ANAPC1: variants seen among roughly 807,000 people sequenced by gnomAD.
ANAPC1 encodes the protein anaphase-promoting complex subunit 1.
Under a neutral mutation model 208.0 loss-of-function variants are expected in ANAPC1, and 36 were observed. The observed-to-expected ratio is 0.17, with a 90% confidence interval of 0.13 to 0.23. The LOEUF is 0.23. Among genes scored for constraint, ANAPC1 ranks in the 10% least tolerant of loss-of-function variants. The probability of loss-of-function intolerance (pLI) is 1.00; values close to 1 mark genes in which losing one functional copy is unlikely to be tolerated. For missense variants in ANAPC1, 942 were observed against 2,011.6 expected (o/e 0.47, Z 10.17); for synonymous variants, 378 against 695.2 (o/e 0.54, Z 7.18).
intron 24 of ANAPC1, among the ~76,000 whole-genome samples, chr2:111,822,979 G>C (rs541086356): frequency 6.8e-5 from 10 of 146,164 alleles, no homozygotes; most frequent in African/African-American, 2.5e-4. Context: ...ACTATGTAGA[G>C]CAATAATAAT....
At chr2:111,827,612 GGGTGTGAT>G (rs1414636012) in intron 21 of ANAPC1, among the ~76,000 whole-genome samples, 1 of 151,938 alleles carries the variant, frequency 6.6e-6, no homozygotes, top group Non-Finnish European at 1.5e-5. Context: ...AAAATTAGCC[GGGTGTGAT>G]GGTGTGCACC....
At chr2:111,879,185 A>G (rs1206543421) in intron 2 of ANAPC1, among the ~76,000 whole-genome samples, 2 of 152,344 alleles carry the variant, frequency 1.3e-5, no homozygotes, top group East Asian at 3.9e-4. Context: ...TGAATGTTTT[A>G]TATTATTCCT....
At position 111,849,620 on chromosome 2, in the gene ANAPC1, C is replaced by T. The variant is rs368820370; in HGVS notation, c.1650+1156G>A. 4.6e-4 allele frequency among the ~76,000 whole-genome samples: 70 copies of T among 152,322 alleles called. 1 individual carries two copies. The South Asian group carries it at 0.013, about 29-fold the overall frequency. On this transcript the variant is annotated intron_variant, in intron 14 of 47. Coordinates refer to ENST00000341068, the MANE Select transcript of ANAPC1 (RefSeq NM_022662.4). The stretch of plus-strand genomic sequence containing the variant: ...CCCAGGTCATTCAGAGAATTCGGAG[C>T]CTCGTTCCACATCACCTTTCCCCAG...
chr2:111,868,190 G>A (rs982581391), intron 6 of ANAPC1, 94 bp from the exon 7 acceptor site: 69 of 706,788 alleles, frequency 9.8e-5, no homozygotes, highest in Non-Finnish European at 1.5e-4. Context: ...CAGATTACAT[G>A]AGCAACTAGA....
In ANAPC1 at chr2:111,880,820, C is replaced by T. The variant is rs747691768; in HGVS notation, c.6G>A (p.Ser2=). The T allele has an allele frequency of 1.9e-6, 3 of 1,613,622 alleles. No homozygotes were observed. The highest frequency in any genetic ancestry group is 8.5e-7 in the Non-Finnish European group (1 of 1,179,816). ...TCGTTGTCCTTTCTTCATAGAAGTT[C>T]GACATGGGTTCCAAATATCAACATT... is the stretch of plus-strand genomic sequence containing the variant. The part of the protein sequence containing the change: M[S]NFYEERTTMI... Residue 2 remains serine, a synonymous_variant, in exon 2 of 48, where the codon TCG becomes TCA. Coordinates refer to ENST00000341068, the MANE Select transcript of ANAPC1 (RefSeq NM_022662.4).
intron 17 of ANAPC1, among the ~76,000 whole-genome samples, chr2:111,839,595 T>G (rs908385868): frequency 3.9e-5 from 6 of 152,346 alleles, no homozygotes; most frequent in Non-Finnish European, 7.3e-5. Flanking sequence ...TATTTAAAAC[T>G]GAATGTTATT....
At position 111,833,412 on chromosome 2, in the gene ANAPC1, A is replaced by T. The variant is rs3761697; in HGVS notation, c.2385-101T>A. ...TGAATCTTTTAATTTAAAAACTTAC[A>T]TATGAGAAAGATAACCAAATCTAGA... On this transcript the variant is annotated intron_variant, in intron 19 of 47. Coordinates refer to ENST00000341068, the MANE Select transcript of ANAPC1 (RefSeq NM_022662.4). 861,637 of 1,347,640 alleles carry T rather than the reference A, an allele frequency of 0.64. 277,258 individuals carry two copies. The highest frequency in any genetic ancestry group is 0.68 in the South Asian group (30,696 of 45,174). The allele number at this position is 1,347,640 out of a possible 1,614,324, so 83.5% of individuals were successfully genotyped here. A position where few individuals can be genotyped will look rare whatever the true frequency, so the allele number is the denominator to read the frequency against.
At chr2:111,873,821 AAAT>A (rs1484789025) in intron 3 of ANAPC1, among the ~76,000 whole-genome samples, 157 bp from the exon 4 acceptor site, 9 of 100,568 alleles carry the variant, frequency 8.9e-5, no homozygotes, top group African/African-American at 2.5e-4. Flanking sequence ...AAGAAAAAAT[AAAT>A]TAGAGTAATA....
chr2:111,849,236 G>A (rs1681260793), intron 14 of ANAPC1, among the ~76,000 whole-genome samples: 1 of 152,176 alleles, frequency 6.6e-6, no homozygotes, highest in Non-Finnish European at 1.5e-5. Flanking sequence ...CAGCCAATGT[G>A]TTAAGACTAT....
chr2:111,853,872 ACG>A, intron 13 of ANAPC1, among the ~76,000 whole-genome samples: 1 of 151,842 alleles, frequency 6.6e-6, no homozygotes, highest in African/African-American at 2.4e-5. Context: ...ACCCGCCACC[ACG>A]CCCGGCTAAT....
At chr2:111,809,898 GA>G (rs1438473347) in intron 28 of ANAPC1, among the ~76,000 whole-genome samples, 2 of 148,632 alleles carry the variant, frequency 1.3e-5, no homozygotes, top group Non-Finnish European at 3.0e-5. Context: ...AAGTTTAACA[GA>G]GTTACCATAT....
At chr2:111,810,988 C>T (rs1007564630) in intron 28 of ANAPC1, among the ~76,000 whole-genome samples, 68 of 152,002 alleles carry the variant, frequency 4.5e-4, no homozygotes, top group African/African-American at 1.6e-3. Flanking sequence ...ATGGTCGATC[C>T]CCCTTTGCCC....
At chr2:111,863,554 A>G (rs546593762) in intron 9 of ANAPC1, 121 bp downstream of exon 9, 113 of 926,560 alleles carry the variant, frequency 1.2e-4, no homozygotes, top group African/African-American at 1.0e-3. Context: ...GATAATGGCT[A>G]TTTCCCCTAA....
At chr2:111,798,793 G>A (rs1374675974) in intron 34 of ANAPC1, among the ~76,000 whole-genome samples, 43 of 152,366 alleles carry the variant, frequency 2.8e-4, no homozygotes, top group Non-Finnish European at 5.1e-4. Context: ...CCAGCACTTC[G>A]GGAGGCCGAG....
At chr2:111,825,690 C>T in intron 22 of ANAPC1, 87 bp downstream of exon 22, 2 of 1,398,710 alleles carry the variant, frequency 1.4e-6, no homozygotes, top group Admixed American at 3.9e-5. Flanking sequence ...GCCGCCAAAG[C>T]AAACAAGAAA....
At position 111,825,862 on chromosome 2, in the gene ANAPC1, A is replaced by C. The variant is rs1156586574; in HGVS notation, c.2626-7T>G. 1 of 1,601,504 alleles carries C rather than the reference A, an allele frequency of 6.2e-7. No individual in the cohort carries two copies. The highest frequency in any genetic ancestry group is 8.5e-7 in the Non-Finnish European group (1 of 1,172,230). ...GTATGTACAGTGCAATACTCTGCAA[A>C]GGAAGAAAATTAACATTATTTTTCT... On this transcript the variant is annotated splice_polypyrimidine_tract_variant and splice_region_variant and intron_variant, in intron 21 of 47. Coordinates refer to ENST00000341068, the MANE Select transcript of ANAPC1 (RefSeq NM_022662.4).
Position 111,771,626 on chromosome 2 carries a change from G to A in ANAPC1, c.5719+715C>T, listed in dbSNP as rs567421561. Among the ~76,000 whole-genome samples, 589 of 151,094 alleles carry A rather than the reference G, an allele frequency of 3.9e-3. 2 individuals carry two copies. Among genetic ancestry groups the A allele is most frequent in the Middle Eastern group, 6.8e-3 (2 of 294 alleles). On this transcript the variant is annotated intron_variant, in intron 47 of 47. Coordinates refer to ENST00000341068, the MANE Select transcript of ANAPC1 (RefSeq NM_022662.4). ...CTTTTATATTTGTTTTTGAGGGCAA[G>A]TGAGTCCAATACAAGCAATTCCATC...
At chr2:111,766,723 C>A (rs1423584094), downstream of ANAPC1, 52 of 322,754 alleles carry the variant, frequency 1.6e-4, no homozygotes, top group Middle Eastern at 5.0e-3. Flanking sequence ...CTGGCCCACA[C>A]TCTGACCCAT....
intron 45 of ANAPC1, among the ~76,000 whole-genome samples, chr2:111,777,278 G>A (rs1677042884): frequency 6.6e-6 from 1 of 152,132 alleles, no homozygotes; most frequent in South Asian, 2.1e-4. Context: ...CAGCTTGCAG[G>A]GAAAAGTAAC....
Sources: gnomAD v4.1 joint callset for allele counts (sites outside exome capture counted in the v4.1 genomes callset) on GRCh38, gnomAD v4.1.1 for gene constraint, MANE v1.5 for transcripts, NCBI Gene and HGNC (gene_info 2026-07-23, HGNC 2026-07-21) for gene names.